The following PAK2 variants were observed in gnomAD, a reference collection of about 807,000 sequenced individuals.
PAK2 encodes p21 (RAC1) activated kinase 2.
A neutral mutation model predicts 65.9 loss-of-function variants in PAK2; 21 were observed. The observed-to-expected ratio is 0.32, with a 90% confidence interval of 0.23 to 0.46. The LOEUF (loss-of-function observed/expected upper bound fraction) is 0.46. Ranked by LOEUF, PAK2 falls within the 20% of genes least tolerant of loss-of-function variation. The pLI is 1.00. For missense variants in PAK2, 324 were observed against 642.6 expected (o/e 0.50, Z 5.36); for synonymous variants, 204 against 219.7 (o/e 0.93, Z 0.63).
intron 1 of PAK2, among the ~76,000 whole-genome samples, chr3:196,765,992 C>T (rs554931283): frequency 1.5e-4 from 22 of 151,690 alleles, no homozygotes; most frequent in African/African-American, 4.4e-4. Context: ...CTCCACCTCC[C>T]GGGGTCAAGC....
chr3:196,761,119 T>G (rs1336401321), intron 1 of PAK2, among the ~76,000 whole-genome samples: 1 of 150,132 alleles, frequency 6.7e-6, no homozygotes, highest in African/African-American at 2.5e-5. Flanking sequence ...TCCCGGCTAC[T>G]CGGTAAGGCT....
At chr3:196,785,754 T>C (rs1714866818) in intron 2 of PAK2, among the ~76,000 whole-genome samples, 2 of 152,200 alleles carry the variant, frequency 1.3e-5, no homozygotes. Flanking sequence ...CTCACAATTA[T>C]GGCGGAAGGC....
At chr3:196,811,193 TCCTTCCTC>T (rs1246880762) in intron 8 of PAK2, among the ~76,000 whole-genome samples, 4 of 73,826 alleles carry the variant, frequency 5.4e-5, no homozygotes, top group African/African-American at 1.8e-4. Context: ...CCATATGAAT[TCCTTCCTC>T]CCTTCCTTCC....
At chr3:196,822,957 C>T (rs868257402) in intron 13 of PAK2, among the ~76,000 whole-genome samples, 1 of 152,152 alleles carries the variant, frequency 6.6e-6, no homozygotes, top group Non-Finnish European at 1.5e-5. Flanking sequence ...GCGAAGAAAC[C>T]AGGCCAGACC....
chr3:196,780,926 C>T (rs1450747260), intron 1 of PAK2, among the ~76,000 whole-genome samples: 3 of 152,132 alleles, frequency 2.0e-5, no homozygotes, highest in Non-Finnish European at 4.4e-5. Context: ...GTAGCTGGGA[C>T]TACAGGCGCC....
At chr3:196,813,021 T>A (rs1715878076) in intron 10 of PAK2, among the ~76,000 whole-genome samples, 170 bp downstream of exon 10, 1 of 152,092 alleles carries the variant, frequency 6.6e-6, no homozygotes, top group Non-Finnish European at 1.5e-5. Context: ...AAGGTCCTTC[T>A]CTGCAAGGAC....
At chr3:196,778,195 G>A (rs892425603) in intron 1 of PAK2, among the ~76,000 whole-genome samples, 1 of 152,084 alleles carries the variant, frequency 6.6e-6, no homozygotes, top group Non-Finnish European at 1.5e-5. Flanking sequence ...CTTAGTGTTC[G>A]AGGGTCATCC....
rs189205069 is a variant in PAK2, at chr3:196,804,550, C to A, written c.437-802C>A. Reference sequence around the variant, plus strand: ...TGGCACAATCTCGGCTTGCCAGAACCCCCGCCTCCCGGGTTCAAGCAATTC... The same window carrying A: ...TGGCACAATCTCGGCTTGCCAGAACACCCGCCTCCCGGGTTCAAGCAATTC... On this transcript the variant is annotated intron_variant, in intron 4 of 14. Coordinates refer to ENST00000327134, the MANE Select transcript of PAK2 (RefSeq NM_002577.4). 3.4e-4 allele frequency among the ~76,000 whole-genome samples: 51 copies of A among 152,102 alleles called. 1 individual carries two copies. Among genetic ancestry groups the A allele is most frequent in the Middle Eastern group, 3.4e-3 (1 of 292 alleles).
intron 1 of PAK2, among the ~76,000 whole-genome samples, chr3:196,764,667 A>G (rs1482636112): frequency 4.0e-5 from 6 of 151,696 alleles, no homozygotes; most frequent in African/African-American, 1.2e-4. Flanking sequence ...TTTAAAGCTA[A>G]TACCCAATTT....
In PAK2 at chr3:196,826,419, G is replaced by A. The variant is rs900159070; in HGVS notation, c.1351-777G>A. Among the ~76,000 whole-genome samples, 33 of 151,912 alleles carry A rather than the reference G, an allele frequency of 2.2e-4. 1 individual carries two copies. The highest frequency in any genetic ancestry group is 6.8e-3 in the Middle Eastern group (2 of 294). The stretch of plus-strand genomic sequence containing the variant: ...AATCTCCTGACCTCGTGACCGGCCC[G>A]CCTTAGCCTCCCAAAGTACTGGGAT... On this transcript the variant is annotated intron_variant, in intron 13 of 14. Coordinates refer to ENST00000327134, the MANE Select transcript of PAK2 (RefSeq NM_002577.4).
At chr3:196,745,324 A>C (rs1178196593) in intron 1 of PAK2, among the ~76,000 whole-genome samples, 1 of 99,972 alleles carries the variant, frequency 1.0e-5, no homozygotes, top group Non-Finnish European at 1.9e-5. Flanking sequence ...GGGTTTTGCT[A>C]TGTTGGCCAG....
chr3:196,745,201 G>A (rs1399523913), intron 1 of PAK2, among the ~76,000 whole-genome samples: 6 of 148,324 alleles, frequency 4.0e-5, no homozygotes, highest in Non-Finnish European at 5.9e-5. Context: ...TGCAACTTCC[G>A]CCTCCCGGGT....
rs777708684 is a variant in PAK2, at chr3:196,812,301, T to C, written c.822+34T>C. 3.0e-6 allele frequency: 4 copies of C among 1,312,114 alleles called. No individual in the cohort carries two copies. In the South Asian group the frequency reaches 3.5e-5, roughly 12 times the overall value. 81.3% of individuals were successfully genotyped at this position (1,312,114 alleles called of 1,614,324 possible). A position where few individuals can be genotyped will look rare whatever the true frequency, so the allele number is the denominator to read the frequency against. Reference sequence around the variant, plus strand: ...TTTGTTGTAATCCTGGGTGTTACCATTATTTTGTCATATAGGTGGAAACTA... The same window carrying C: ...TTTGTTGTAATCCTGGGTGTTACCACTATTTTGTCATATAGGTGGAAACTA... On this transcript the variant is annotated intron_variant, in intron 9 of 14. Transcript: ENST00000327134.
At chr3:196,792,671 A>G (rs1715110722) in intron 2 of PAK2, among the ~76,000 whole-genome samples, 1 of 152,230 alleles carries the variant, frequency 6.6e-6, no homozygotes. Context: ...TTATATGTAT[A>G]GACTTATCAA....
At chr3:196,787,701 G>T (rs1714938014) in intron 2 of PAK2, among the ~76,000 whole-genome samples, 1 of 152,180 alleles carries the variant, frequency 6.6e-6, no homozygotes, top group African/African-American at 2.4e-5. Flanking sequence ...TTACAGGGAA[G>T]TTTAGTTGCA....
intron 1 of PAK2, among the ~76,000 whole-genome samples, chr3:196,782,323 T>C (rs1714740625): frequency 2.6e-5 from 4 of 152,258 alleles, no homozygotes; most frequent in Admixed American, 2.6e-4. Context: ...AGATTTCATG[T>C]TGTCTGTCTT....
chr3:196,797,146 C>A (rs772230968), intron 2 of PAK2, among the ~76,000 whole-genome samples: 3 of 152,268 alleles, frequency 2.0e-5, no homozygotes, highest in Non-Finnish European at 4.4e-5. Flanking sequence ...TCTTTAAAGA[C>A]ACATGAGGTC....
intron 11 of PAK2, among the ~76,000 whole-genome samples, chr3:196,817,156 A>AT (rs11314877): frequency 0.077 from 6,502 of 84,810 alleles, 918 homozygotes; most frequent in Admixed American, 0.13. Flanking sequence ...GAAAGAGGCA[A>AT]TTTTTTTTTT....
At chr3:196,828,274 G>T (rs1711951184) in intron 14 of PAK2, 45 bp from the exon 15 acceptor site, 2 of 1,101,272 alleles carry the variant, frequency 1.8e-6, no homozygotes, top group Non-Finnish European at 2.8e-6. Flanking sequence ...TTTCTAACCT[G>T]ATGAATGGCA....
Sources: gnomAD v4.1 joint callset for allele counts (sites outside exome capture counted in the v4.1 genomes callset) on GRCh38, gnomAD v4.1.1 for gene constraint, MANE v1.5 for transcripts, NCBI Gene and HGNC (gene_info 2026-07-23, HGNC 2026-07-21) for gene names.